PTPRU: variants seen among roughly 807,000 people sequenced by gnomAD.
PTPRU encodes receptor-type tyrosine-protein phosphatase U.
Under a neutral mutation model 166.3 loss-of-function variants are expected in PTPRU, and 69 were observed. The observed-to-expected ratio is 0.41, with a 90% confidence interval of 0.34 to 0.51. The LOEUF is 0.51. Among genes scored for constraint, PTPRU ranks in the 20% least tolerant of loss-of-function variants. The pLI is 0.09. For synonymous variants in PTPRU, 793 were observed against 814.0 expected (o/e 0.97, Z 0.44); for missense variants, 1,657 against 2,013.7 (o/e 0.82, Z 3.39).
At position 29,279,788 on chromosome 1, in the gene PTPRU, T is replaced by A. The variant is rs1162084109; in HGVS notation, c.1765+131T>A. The stretch of plus-strand genomic sequence containing the variant: ...GCCCCTGCTGAGATAAATATGCCAT[T>A]TAGGAGTTAAAGTCAGGCTCAGGGA... On this transcript the variant is annotated intron_variant, in intron 10 of 29. Coordinates refer to ENST00000373779, the MANE Select transcript of PTPRU (RefSeq NM_133178.4). This position sits in a 1 kb window ranked among gnomAD's most constrained non-coding sequence, Gnocchi z 5.2. 8.7e-7 allele frequency: 1 copy of A among 1,156,066 alleles called. No homozygotes were observed. Among genetic ancestry groups the A allele is most frequent in the African/African-American group, 1.5e-5 (1 of 65,178 alleles). 71.6% of individuals were successfully genotyped at this position (1,156,066 alleles called of 1,614,324 possible).
At position 29,326,146 on chromosome 1, in the gene PTPRU, G is replaced by C; in HGVS notation, c.*485G>C. ...GATTCCATCTGGCCCAGCCCCTGAA[G>C]GTCCTGGGGAAGCAGGTCTCAATTC... is the stretch of plus-strand genomic sequence containing the variant. On this transcript the variant is annotated 3_prime_UTR_variant, in exon 30 of 30. Coordinates refer to ENST00000373779, the MANE Select transcript of PTPRU (RefSeq NM_133178.4). The C allele has an allele frequency of 2.8e-6, 1 of 355,692 alleles. No homozygotes were observed. Among genetic ancestry groups the C allele is most frequent in the African/African-American group, 2.1e-5 (1 of 47,992 alleles). 22.0% of individuals were successfully genotyped at this position (355,692 alleles called of 1,614,324 possible). A position where few individuals can be genotyped will look rare whatever the true frequency, so the allele number is the denominator to read the frequency against.
At position 29,271,281 on chromosome 1, in the gene PTPRU, C is replaced by G. The variant is rs1400363062; in HGVS notation, c.1145-4167C>G. ...GTGTTGACAGTTGAAGAGAGTGTGT[C>G]TGGGTGCCAGATGGTTTTTAGAAAC... On this transcript the variant is annotated intron_variant, in intron 7 of 29. Transcript: ENST00000373779. The surrounding 1 kb of genome is among the most constrained non-coding windows in gnomAD (Gnocchi z 4.4). Among the ~76,000 whole-genome samples, 1 of 152,174 alleles carries G rather than the reference C, an allele frequency of 6.6e-6. No individual in the cohort carries two copies. Among genetic ancestry groups the G allele is most frequent in the African/African-American group, 2.4e-5 (1 of 41,422 alleles).
At position 29,325,178 on chromosome 1, in the gene PTPRU, A is replaced by G. The variant is rs1463618490; in HGVS notation, c.4113-13A>G. On this transcript the variant is annotated splice_polypyrimidine_tract_variant and intron_variant, in intron 28 of 29. Coordinates refer to ENST00000373779, the MANE Select transcript of PTPRU (RefSeq NM_133178.4). ...CAAGGCCCCGCCCCTCAGCTTTTGC[A>G]TCTCTCATTCAGAAACGGGGGAGGA... 9 of 1,613,740 alleles carry G rather than the reference A, an allele frequency of 5.6e-6. No homozygotes were observed. The Admixed American group carries it at 1.5e-4, about 27-fold the overall frequency.
At chr1:29,292,125 C>G (rs1471421632) in intron 15 of PTPRU, 99 bp downstream of exon 15, 1 of 1,422,010 alleles carries the variant, frequency 7.0e-7, no homozygotes, top group Non-Finnish European at 9.5e-7. Flanking sequence ...ACACCTGCAA[C>G]CAAAAGTGAA....
intron 7 of PTPRU, among the ~76,000 whole-genome samples, chr1:29,273,278 T>C (rs1189876241): frequency 6.6e-6 from 1 of 152,040 alleles, no homozygotes. Flanking sequence ...TTTTCTATTC[T>C]TTTTTTTCGA....
intron 4 of PTPRU, 30 bp from the exon 5 acceptor site, chr1:29,259,419 C>A (rs1179762663): frequency 1.2e-6 from 2 of 1,607,428 alleles, no homozygotes; most frequent in African/African-American, 1.3e-5. Context: ...GGGTGCAGGC[C>A]CAGCTCACGA....
At chr1:29,289,908 G>A (rs987232531) in intron 14 of PTPRU, among the ~76,000 whole-genome samples, 12 of 152,064 alleles carry the variant, frequency 7.9e-5, no homozygotes, top group East Asian at 3.9e-4. Context: ...TCCTCAAGTC[G>A]TGGTCATGAG....
Position 29,292,034 on chromosome 1 carries a change from C to T in PTPRU, c.2476+8C>T, listed in dbSNP as rs1419585037. On this transcript the variant is annotated splice_region_variant and intron_variant, in intron 15 of 29. Coordinates refer to ENST00000373779, the MANE Select transcript of PTPRU (RefSeq NM_133178.4). The stretch of plus-strand genomic sequence containing the variant: ...ATGGCTACAGCACCCGGGGTGAGTG[C>T]CCGGCCCTCCTACCCCTTCTTCATG... 3 of 1,613,664 alleles carry T rather than the reference C, an allele frequency of 1.9e-6. No homozygotes were observed. The highest frequency in any genetic ancestry group is 2.5e-6 in the Non-Finnish European group (3 of 1,179,786).
Position 29,304,060 on chromosome 1 carries a change from C to T in PTPRU, c.2667+15C>T, listed in dbSNP as rs374423259. On this transcript the variant is annotated intron_variant, in intron 16 of 29. Coordinates refer to ENST00000373779, the MANE Select transcript of PTPRU (RefSeq NM_133178.4). Reference sequence around the variant, plus strand: ...AGGAGTATGAGGTGCACGCCGGCCCCGGGCCAGCAGGATCCCTGCAGAGGC... The same window carrying T: ...AGGAGTATGAGGTGCACGCCGGCCCTGGGCCAGCAGGATCCCTGCAGAGGC... 3.6e-5 allele frequency: 57 copies of T among 1,593,564 alleles called. No individual in the cohort carries two copies. The highest frequency in any genetic ancestry group is 2.3e-4 in the Middle Eastern group (1 of 4,412).
At chr1:29,290,611 G>A (rs963363687) in intron 14 of PTPRU, among the ~76,000 whole-genome samples, 13 of 152,218 alleles carry the variant, frequency 8.5e-5, no homozygotes, top group Admixed American at 7.9e-4. Flanking sequence ...TCCCTGGACA[G>A]CTCCTTACCT....
chr1:29,317,818 A>AC lies in PTPRU; in HGVS notation c.3585dup (p.Lys1196GlnfsTer21). 1 of 1,613,638 alleles carries AC rather than the reference A, an allele frequency of 6.2e-7. No homozygotes were observed. Among genetic ancestry groups the AC allele is most frequent in the Non-Finnish European group, 8.5e-7 (1 of 1,180,034 alleles). The stretch of plus-strand genomic sequence containing the variant: ...ATCGCCCTGTTGCCCCGGAACCGCG[A>AC]CAAGAACCGCAGCATGGACGTCCTG... On this transcript the variant is annotated frameshift_variant, in exon 25 of 30. Transcript: ENST00000373779. LOFTEE classifies it high-confidence loss of function. This position sits in a 1 kb window ranked among gnomAD's most constrained non-coding sequence, Gnocchi z 5.6.
At chr1:29,290,688 C>G (rs149799686) in intron 14 of PTPRU, among the ~76,000 whole-genome samples, 1 of 152,250 alleles carries the variant, frequency 6.6e-6, no homozygotes, top group Non-Finnish European at 1.5e-5. Context: ...GCCCCCAGCT[C>G]GGCTCCTGCA....
At chr1:29,307,091 C>T in intron 18 of PTPRU, 1 of 1,610,736 alleles carries the variant, frequency 6.2e-7, no homozygotes, top group Admixed American at 1.7e-5. Flanking sequence ...ATATCTGTCT[C>T]TTTTGCTTTG....
chr1:29,312,410 C>A, intron 21 of PTPRU, 142 bp from the exon 22 acceptor site: 1 of 808,760 alleles, frequency 1.2e-6, no homozygotes, highest in Non-Finnish European at 1.8e-6. Context: ...GACATTAATA[C>A]CTACTTCATC....
intron 15 of PTPRU, among the ~76,000 whole-genome samples, chr1:29,297,474 T>C (rs1439130325): frequency 6.6e-6 from 1 of 152,134 alleles, no homozygotes; most frequent in Non-Finnish European, 1.5e-5. Context: ...TAAATGCAAG[T>C]CTTTCTGAAT....
In PTPRU at chr1:29,310,273, G is replaced by C. The variant is rs141474916; in HGVS notation, c.2821-471G>C. 1.6e-3 allele frequency among the ~76,000 whole-genome samples: 240 copies of C among 152,312 alleles called. 1 individual carries two copies. The highest frequency in any genetic ancestry group is 5.2e-3 in the South Asian group (25 of 4,828). ...GCTCTGAGTGACTGAGGAGTAAGGG[G>C]GAGGGGTACTGTCCATTCTGGTTAT... On this transcript the variant is annotated intron_variant, in intron 18 of 29. Coordinates refer to ENST00000373779, the MANE Select transcript of PTPRU (RefSeq NM_133178.4).
intron 5 of PTPRU, 45 bp from the exon 6 acceptor site, chr1:29,259,820 GGACCC>G: frequency 6.7e-7 from 1 of 1,484,728 alleles, no homozygotes; most frequent in Non-Finnish European, 8.9e-7. Flanking sequence ...AGCGAGATCG[GGACCC>G]CTCGCTCCGA....
rs928388049 is a variant in PTPRU at position 29,291,930 on chromosome 1, A to G, written c.2380A>G (p.Ser794Gly). The G allele has an allele frequency of 1.2e-6, 2 of 1,614,142 alleles. No homozygotes were observed. The change falls in exon 15 of 30, where the codon AGC (serine) becomes GGC (glycine). Residue 794 changes from serine (S) to glycine (G), a missense_variant. Physicochemically the swap from Ser to Gly is moderately conservative, Grantham distance 56. Around this residue, in one of 3 missense-constraint regions of PTPRU, gnomAD observed 1,190 missense variants for 1,477.4 expected, o/e 0.81. Coordinates refer to ENST00000373779, the MANE Select transcript of PTPRU (RefSeq NM_133178.4). This position sits in a 1 kb window ranked among gnomAD's most constrained non-coding sequence, Gnocchi z 4.1. ...CCGCCAGGAGAAGACACACATGATG[A>G]GCGCCGTGGACCGCAGCTTCACAGA... Reference protein sequence around the residue: ...NYRQEKTHMMSAVDRSFTDQS... With the variant: ...NYRQEKTHMMGAVDRSFTDQS...
chr1:29,248,657 G>T (rs1054396022), intron 1 of PTPRU, among the ~76,000 whole-genome samples: 2 of 152,084 alleles, frequency 1.3e-5, no homozygotes, highest in African/African-American at 4.8e-5. Flanking sequence ...GCCGCATTGG[G>T]CATGGAGTGC....
Sources: allele counts gnomAD v4.1 joint callset (sites outside exome capture counted in the v4.1 genomes callset), GRCh38; gene constraint gnomAD v4.1.1; regional missense constraint gnomAD v4.1.1; non-coding constraint Gnocchi (gnomAD v3.1); transcripts MANE v1.5; gene names NCBI Gene and HGNC (gene_info 2026-07-23, HGNC 2026-07-21).